PRKCI: variants seen among roughly 807,000 people sequenced by gnomAD.
PRKCI encodes protein kinase C iota type.
Under a neutral mutation model 84.0 loss-of-function variants are expected in PRKCI, and 43 were observed. The ratio of observed to expected loss-of-function variants is 0.51; its 90% CI spans 0.40 to 0.66. PRKCI has a LOEUF of 0.66. Among genes scored for constraint, PRKCI ranks in the 30% least tolerant of loss-of-function variants. The pLI, the probability that PRKCI is intolerant of heterozygous loss-of-function variation, is 0.00. For synonymous variants in PRKCI, 216 were observed against 234.4 expected (o/e 0.92, Z 0.72); for missense variants, 459 against 745.6 (o/e 0.62, Z 4.48).
At chr3:170,268,511 G>A (rs1350747096) in intron 5 of PRKCI, among the ~76,000 whole-genome samples, 1 of 150,424 alleles carries the variant, frequency 6.6e-6, no homozygotes, top group Non-Finnish European at 1.5e-5. Context: ...CAGATTGGAT[G>A]ATTAATTATT....
At chr3:170,256,929 C>G (rs980992983) in intron 2 of PRKCI, among the ~76,000 whole-genome samples, 2 of 151,530 alleles carry the variant, frequency 1.3e-5, no homozygotes, top group Non-Finnish European at 2.9e-5. Context: ...TGTATTGACC[C>G]CCTGCTTAAT....
chr3:170,248,961 C>T (rs1733364556), intron 2 of PRKCI, among the ~76,000 whole-genome samples: 1 of 151,864 alleles, frequency 6.6e-6, no homozygotes. Flanking sequence ...CATTCTCCTG[C>T]CTCAGCCTCC....
At chr3:170,263,577 G>C (rs777421391) in intron 4 of PRKCI, 148 bp downstream of exon 4, 1 of 594,938 alleles carries the variant, frequency 1.7e-6, no homozygotes. Context: ...TGAGGTGGGA[G>C]GATCGCTTAA....
chr3:170,268,911 T>A (rs570136828), intron 5 of PRKCI, among the ~76,000 whole-genome samples: 65 of 135,172 alleles, frequency 4.8e-4, no homozygotes, highest in African/African-American at 1.8e-3. Flanking sequence ...ATTTATTATT[T>A]ATTTATTTTT....
At chr3:170,290,867 G>A (rs1734533576) in intron 12 of PRKCI, among the ~76,000 whole-genome samples, 1 of 152,086 alleles carries the variant, frequency 6.6e-6, no homozygotes, top group Non-Finnish European at 1.5e-5. Flanking sequence ...GCCCGGCATG[G>A]TGGCTTATGC....
At chr3:170,259,067 C>T (rs1733658886) in intron 2 of PRKCI, among the ~76,000 whole-genome samples, 1 of 151,954 alleles carries the variant, frequency 6.6e-6, no homozygotes, top group African/African-American at 2.4e-5. Flanking sequence ...TCGCTTGAAC[C>T]CAGGAGGCGG....
In PRKCI at chr3:170,222,625, C is replaced by T. The variant is rs1732516571; in HGVS notation, c.-45C>T. 2.7e-6 allele frequency: 4 copies of T among 1,495,446 alleles called. No individual in the cohort carries two copies. Among genetic ancestry groups the T allele is most frequent in the Non-Finnish European group, 3.6e-6 (4 of 1,115,428 alleles). The allele number at this position is 1,495,446 out of a possible 1,614,324, so 92.6% of individuals were successfully genotyped here. On this transcript the variant is annotated 5_prime_UTR_variant, in exon 1 of 18. Coordinates refer to ENST00000295797, the MANE Select transcript of PRKCI (RefSeq NM_002740.6). ...AGTCCCCCACGGCGCCCGAAGCGCC[C>T]CCCCGCACCCCCGGCCTCCAGCGTT...
At chr3:170,226,148 A>G (rs1732622168) in intron 1 of PRKCI, among the ~76,000 whole-genome samples, 1 of 152,136 alleles carries the variant, frequency 6.6e-6, no homozygotes. Context: ...TCTGACCTCA[A>G]GTGATCCACC....
chr3:170,286,485 CTTTTTTTTT>C (rs34674664), intron 12 of PRKCI, among the ~76,000 whole-genome samples: 2 of 65,586 alleles, frequency 3.0e-5, no homozygotes, highest in African/African-American at 1.2e-4. Context: ...AACAATGAGG[CTTTTTTTTT>C]TTTTTTTTTT....
chr3:170,251,915 AAAG>A (rs1733458414), intron 2 of PRKCI, among the ~76,000 whole-genome samples: 2 of 151,250 alleles, frequency 1.3e-5, no homozygotes, highest in Non-Finnish European at 2.9e-5. Context: ...CAAAAAAAAA[AAAG>A]AAATTAGGAA....
At chr3:170,279,023 AATTATT>A (rs902717900) in intron 8 of PRKCI, among the ~76,000 whole-genome samples, 1 of 152,052 alleles carries the variant, frequency 6.6e-6, no homozygotes, top group African/African-American at 2.4e-5. Context: ...TACCAAATCA[AATTATT>A]ATTATTATTA....
intron 2 of PRKCI, among the ~76,000 whole-genome samples, chr3:170,243,380 A>G (rs150130008): frequency 4.6e-4 from 70 of 152,314 alleles, no homozygotes; most frequent in African/African-American, 1.6e-3. Flanking sequence ...GTAGTATTCT[A>G]TCCTGTGGAT....
At chr3:170,252,560 G>A (rs866054990) in intron 2 of PRKCI, among the ~76,000 whole-genome samples, 50 of 151,050 alleles carry the variant, frequency 3.3e-4, no homozygotes, top group African/African-American at 1.1e-3. Flanking sequence ...ACCCTGTTGT[G>A]CTATCAAGTA....
At chr3:170,281,303 A>G (rs1734238302) in intron 10 of PRKCI, 40 bp downstream of exon 10, 1 of 1,548,830 alleles carries the variant, frequency 6.5e-7, no homozygotes, top group Non-Finnish European at 8.9e-7. Flanking sequence ...TGGGCTTCAT[A>G]TTTTTGGTCA....
intron 3 of PRKCI, among the ~76,000 whole-genome samples, chr3:170,262,946 G>A (rs553060894): frequency 1.5e-3 from 226 of 151,316 alleles, no homozygotes; most frequent in Non-Finnish European, 1.9e-3. Flanking sequence ...CGAGACAGGC[G>A]GATCATGAGG....
In PRKCI at chr3:170,234,108, T is replaced by C. The variant is rs538230471; in HGVS notation, c.102-1122T>C. ...GAGTGCAATGGTGTGATTGGTTCAC[T>C]GCAATCTCCGCCTCCCGGGTTCAAG... is the stretch of plus-strand genomic sequence containing the variant. On this transcript the variant is annotated intron_variant, in intron 1 of 17. Transcript: ENST00000295797. 1.5e-3 allele frequency among the ~76,000 whole-genome samples: 219 copies of C among 148,564 alleles called. 2 individuals are homozygous for C. The highest frequency in any genetic ancestry group is 4.8e-3 in the African/African-American group (190 of 39,878).
intron 14 of PRKCI, 145 bp downstream of exon 14, chr3:170,293,653 T>C (rs376323210): frequency 2.0e-6 from 2 of 991,594 alleles, no homozygotes. Flanking sequence ...GGTTTTGTTG[T>C]TGTTTTTGTT....
At chr3:170,229,282 C>T (rs547942130) in intron 1 of PRKCI, among the ~76,000 whole-genome samples, 11 of 152,136 alleles carry the variant, frequency 7.2e-5, no homozygotes, top group African/African-American at 2.7e-4. Context: ...GTAGACAGAC[C>T]TCTTTATAGT....
intron 8 of PRKCI, among the ~76,000 whole-genome samples, chr3:170,279,860 C>T (rs968637241): frequency 5.3e-5 from 8 of 152,274 alleles, no homozygotes; most frequent in South Asian, 2.1e-4. Flanking sequence ...ACACACTTGA[C>T]GTTCCCTGTC....
Sources: gnomAD v4.1 joint callset for allele counts (sites outside exome capture counted in the v4.1 genomes callset) on GRCh38, gnomAD v4.1.1 for gene constraint, MANE v1.5 for transcripts, NCBI Gene and HGNC (gene_info 2026-07-23, HGNC 2026-07-21) for gene names.